The following SEC14L1 variants were observed in gnomAD, a reference collection of about 807,000 sequenced individuals.
SEC14L1 encodes SEC14-like protein 1.
Under a neutral mutation model 85.3 loss-of-function variants are expected in SEC14L1, and 48 were observed. The observed-to-expected ratio is 0.56, with a 90% CI of 0.45 to 0.72. The LOEUF (loss-of-function observed/expected upper bound fraction) is 0.72, where lower values mean the gene tolerates loss of function less well. SEC14L1 is among the 30% of genes least tolerant of loss of function. The pLI is 0.00. For missense variants in SEC14L1, 682 were observed against 921.4 expected, an observed-to-expected ratio of 0.74 and a Z score of 3.36; for synonymous variants, 391 against 355.5, an observed-to-expected ratio of 1.10 and a Z score of -1.12.
At chr17:77,096,446 A>G (rs1971647597) in intron 3 of SEC14L1, among the ~76,000 whole-genome samples, 1 of 151,406 alleles carries the variant, frequency 6.6e-6, no homozygotes, top group Non-Finnish European at 1.5e-5. Flanking sequence ...AATCCCAGCT[A>G]CTCGGGAGGC....
chr17:77,149,888 G>A (rs950732512), intron 3 of SEC14L1, among the ~76,000 whole-genome samples: 53 of 148,078 alleles, frequency 3.6e-4, no homozygotes, highest in Non-Finnish European at 8.9e-5. Flanking sequence ...TTTCGTAAAC[G>A]TTGCAAAACC....
chr17:77,207,692 T>A (rs1188020186), intron 13 of SEC14L1, among the ~76,000 whole-genome samples: 2 of 152,176 alleles, frequency 1.3e-5, no homozygotes, highest in African/African-American at 4.8e-5. Context: ...CCTCAAGTAA[T>A]CCGCCCACCT....
chr17:77,174,842 T>TA (rs1974679978), intron 3 of SEC14L1, among the ~76,000 whole-genome samples: 1 of 152,244 alleles, frequency 6.6e-6, no homozygotes, highest in Non-Finnish European at 1.5e-5. Flanking sequence ...CTGCATCTGT[T>TA]ACGACTGCAA....
At chr17:77,182,479 T>C (rs1388597800) in intron 3 of SEC14L1, among the ~76,000 whole-genome samples, 1 of 152,140 alleles carries the variant, frequency 6.6e-6, no homozygotes, top group African/African-American at 2.4e-5. Flanking sequence ...CCTAGTTTTG[T>C]TTTTATTACT....
At chr17:77,120,542 T>C (rs1357970434) in intron 3 of SEC14L1, among the ~76,000 whole-genome samples, 1 of 152,104 alleles carries the variant, frequency 6.6e-6, no homozygotes, top group African/African-American at 2.4e-5. Flanking sequence ...GGTGGCACGA[T>C]CTCGGCTCAC....
intron 3 of SEC14L1, 111 bp downstream of exon 3, chr17:77,143,770 T>A: frequency 1.3e-6 from 1 of 760,880 alleles, no homozygotes; most frequent in Middle Eastern, 2.6e-4. Flanking sequence ...CACTTGAACT[T>A]ACTCTGTTTT....
intron 2 of SEC14L1, among the ~76,000 whole-genome samples, chr17:77,090,770 G>C (rs1401059091): frequency 6.6e-6 from 1 of 152,054 alleles, no homozygotes; most frequent in Admixed American, 6.6e-5. Context: ...CTGGAAGATT[G>C]CTTGAGCCAA....
chr17:77,195,562 A>G (rs1975767941), intron 7 of SEC14L1, among the ~76,000 whole-genome samples: 1 of 152,138 alleles, frequency 6.6e-6, no homozygotes, highest in African/African-American at 2.4e-5. Flanking sequence ...ATCTCGGCTC[A>G]GTGCAGCCTT....
At chr17:77,161,986 C>T (rs796860952) in intron 3 of SEC14L1, among the ~76,000 whole-genome samples, 2 of 147,376 alleles carry the variant, frequency 1.4e-5, no homozygotes, top group African/African-American at 2.5e-5. Context: ...TTCAATAGAT[C>T]GCAGTGAGGG....
At chr17:77,141,488 C>G (rs1973040655) in intron 1 of SEC14L1, 1 of 152,198 alleles carries the variant, frequency 6.6e-6, no homozygotes, top group Admixed American at 6.5e-5. Flanking sequence ...GGGACCCCTG[C>G]TGAGCAGCCC....
intron 7 of SEC14L1, among the ~76,000 whole-genome samples, chr17:77,195,864 T>C (rs1975785636): frequency 6.6e-6 from 1 of 152,194 alleles, no homozygotes; most frequent in Non-Finnish European, 1.5e-5. Flanking sequence ...ATTTTATATC[T>C]TGCAAGTCCT....
intron 3 of SEC14L1, chr17:77,143,990 G>T: frequency 4.3e-6 from 1 of 234,198 alleles, no homozygotes. Context: ...AAAGGGACAT[G>T]GAGTGTGGTC....
chr17:77,204,522 C>CCTTTTTTTTTTTTTTTTTTTTTTTTTT lies in SEC14L1; in HGVS notation c.1099-754_1099-753insCTTTTTTTTTTTTTTTTTTTTTTTTTT, dbSNP rs1555628453. Among the ~76,000 whole-genome samples the CCTTTTTTTTTTTTTTTTTTTTTTTTTT allele has an allele frequency of 8.3e-5, 7 of 84,728 alleles. 2 individuals carry two copies. The allele number at this position is 84,728 out of a possible 152,430, so 55.6% of individuals were successfully genotyped here. A position where few individuals can be genotyped will look rare whatever the true frequency, so the allele number is the denominator to read the frequency against. ...GGCTTGAGCCACCCTGCCCAGCCAG[C>CCTTTTTTTTTTTTTTTTTTTTTTTTTT]TTTTTTTTTTTTTTTTTTTTTTTTT... On this transcript the variant is annotated intron_variant, in intron 10 of 16. Transcript: ENST00000436233.
At chr17:77,108,119 A>C (rs1458031232) in intron 3 of SEC14L1, among the ~76,000 whole-genome samples, 2 of 150,390 alleles carry the variant, frequency 1.3e-5, no homozygotes, top group East Asian at 3.9e-4. Context: ...ACACACACGG[A>C]CTTAGATTCT....
At chr17:77,163,784 T>A (rs1269597267) in intron 3 of SEC14L1, among the ~76,000 whole-genome samples, 1 of 152,236 alleles carries the variant, frequency 6.6e-6, no homozygotes, top group African/African-American at 2.4e-5. Context: ...CCGTTTTTTC[T>A]TCGCACATAC....
At chr17:77,202,363 A>G (rs1279404734) in intron 9 of SEC14L1, among the ~76,000 whole-genome samples, 1 of 152,098 alleles carries the variant, frequency 6.6e-6, no homozygotes, top group Admixed American at 6.5e-5. Flanking sequence ...TCACACCTGT[A>G]ATCCCAGCAC....
chr17:77,123,747 G>A (rs191214997), intron 3 of SEC14L1, among the ~76,000 whole-genome samples: 1 of 152,160 alleles, frequency 6.6e-6, no homozygotes, highest in Admixed American at 6.5e-5. Flanking sequence ...CCCTGGCAGG[G>A]GGGATGTGTT....
intron 3 of SEC14L1, among the ~76,000 whole-genome samples, chr17:77,170,531 G>C (rs1270510715): frequency 6.6e-6 from 1 of 152,168 alleles, no homozygotes; most frequent in Admixed American, 6.5e-5. Context: ...AGACAGACCT[G>C]ATACATAGTT....
chr17:77,114,607 G>A (rs2143376902), intron 3 of SEC14L1, among the ~76,000 whole-genome samples: 1 of 151,256 alleles, frequency 6.6e-6, no homozygotes, highest in South Asian at 2.1e-4. Context: ...GGCCAAGGCG[G>A]GCAGATCACC....
Sources: allele counts gnomAD v4.1 joint callset (sites outside exome capture counted in the v4.1 genomes callset), GRCh38; gene constraint gnomAD v4.1.1; transcripts MANE v1.5; gene names NCBI Gene and HGNC (gene_info 2026-07-23, HGNC 2026-07-21).